NF1: variants seen among roughly 807,000 people sequenced by gnomAD.
The protein encoded by NF1 is neurofibromin.
A neutral mutation model predicts 325.7 loss-of-function variants in NF1; 122 were observed. The ratio of observed to expected loss-of-function variants is 0.37; its 90% CI spans 0.32 to 0.44. The LOEUF is 0.44. Ranked by LOEUF, NF1 falls within the 20% of genes least tolerant of loss-of-function variation. NF1 has a pLI of 1.00. For missense variants in NF1, 2,140 were observed against 3,415.4 expected (o/e 0.63, Z 9.31); for synonymous variants, 1,091 against 1,186.0 (o/e 0.92, Z 1.65).
Position 31,181,450 on chromosome 17 carries a change from G to A in NF1, c.615G>A (p.Lys205=), listed in dbSNP as rs1135402794. 2 of 1,613,472 alleles carry A rather than the reference G, an allele frequency of 1.2e-6. No individual in the cohort carries two copies. Among genetic ancestry groups the A allele is most frequent in the South Asian group, 1.1e-5 (1 of 91,012 alleles). ...KETAFKFKAL[K]KVAQLAVINS... ...CAGCATTTAAATTTAAAGCCCTAAA[G>A]AAGGTTGCGCAGTTAGCAGTTATAA... is the stretch of plus-strand genomic sequence containing the variant. Residue 205 remains lysine, a synonymous_variant, in exon 6 of 58, where the codon AAG becomes AAA. Coordinates refer to ENST00000358273, the MANE Select transcript of NF1 (RefSeq NM_001042492.3).
At chr17:31,370,476 T>C (rs1201191166) in intron 57 of NF1, among the ~76,000 whole-genome samples, 1 of 152,226 alleles carries the variant, frequency 6.6e-6, no homozygotes, top group Non-Finnish European at 1.5e-5. Context: ...ATAGCTTGTT[T>C]TGTACCCTCA....
intron 48 of NF1, among the ~76,000 whole-genome samples, chr17:31,345,038 G>T (rs970393282): frequency 2.0e-5 from 3 of 152,148 alleles, no homozygotes; most frequent in Admixed American, 2.0e-4. Flanking sequence ...CACAAGAATC[G>T]CTTGAACCTG....
chr17:31,342,223 T>C (rs1304625150), intron 47 of NF1, among the ~76,000 whole-genome samples: 1 of 152,208 alleles, frequency 6.6e-6, no homozygotes, highest in Admixed American at 6.5e-5. Flanking sequence ...CTGTCCTAAT[T>C]CTCATTGCCG....
chr17:31,291,548 C>T (rs2068343574), intron 36 of NF1, among the ~76,000 whole-genome samples: 1 of 152,106 alleles, frequency 6.6e-6, no homozygotes, highest in Non-Finnish European at 1.5e-5. Flanking sequence ...TATTCTTCAC[C>T]AGCAAGATGT....
At chr17:31,170,234 A>G (rs2065908300) in intron 5 of NF1, among the ~76,000 whole-genome samples, 3 of 152,122 alleles carry the variant, frequency 2.0e-5, no homozygotes, top group African/African-American at 7.2e-5. Context: ...GCTTAACTAC[A>G]ATTTTTGTTT....
At chr17:31,183,200 A>C (rs2143790435) in intron 8 of NF1, 1 of 226,878 alleles carries the variant, frequency 4.4e-6, no homozygotes, top group Admixed American at 5.6e-5. Flanking sequence ...AATTTTTTTA[A>C]ATATCACCTA....
At chr17:31,102,511 T>A (rs1340684953) in intron 1 of NF1, among the ~76,000 whole-genome samples, 1 of 151,968 alleles carries the variant, frequency 6.6e-6, no homozygotes, top group African/African-American at 2.4e-5. Flanking sequence ...GGGAGGCCCA[T>A]GTGGGAGGAC....
chr17:31,272,887 G>A (rs952927996), intron 36 of NF1: 1 of 152,110 alleles, frequency 6.6e-6, no homozygotes, highest in Non-Finnish European at 1.5e-5. Flanking sequence ...TTCACTATTA[G>A]TGAACAAATT....
intron 51 of NF1, among the ~76,000 whole-genome samples, chr17:31,352,787 T>G (rs915465983): frequency 6.6e-6 from 1 of 152,032 alleles, no homozygotes; most frequent in Admixed American, 6.5e-5. Context: ...CTTCCCAAAA[T>G]TATCATCTGA....
intron 3 of NF1, 124 bp downstream of exon 3, chr17:31,159,217 T>C: frequency 1.4e-6 from 1 of 715,546 alleles, no homozygotes; most frequent in Non-Finnish European, 2.5e-6. Context: ...GACATATAAA[T>C]ATGAGTTTTG....
At chr17:31,345,669 G>A in intron 48 of NF1, 1 of 1,614,254 alleles carries the variant, frequency 6.2e-7, no homozygotes, top group Non-Finnish European at 8.5e-7. Context: ...CACCGAAGTT[G>A]GTGAGATGGC....
chr17:31,098,086 A>G (rs1237673050), intron 1 of NF1, among the ~76,000 whole-genome samples: 2 of 148,994 alleles, frequency 1.3e-5, no homozygotes, highest in African/African-American at 2.4e-5. Flanking sequence ...AGTGTTTAAC[A>G]TAAGGTACTT....
rs864622331 is a variant in NF1, at chr17:31,095,302, G to T, written c.-8G>T. On this transcript the variant is annotated 5_prime_UTR_variant, in exon 1 of 58. Coordinates refer to ENST00000358273, the MANE Select transcript of NF1 (RefSeq NM_001042492.3). The stretch of plus-strand genomic sequence containing the variant: ...TTCCCTCCGCCGCCCCCCGGCCGCG[G>T]GGAGGACATGGCCGCGCACAGGCCG... The T allele has an allele frequency of 6.5e-7, 1 of 1,536,966 alleles. No homozygotes were observed. The highest frequency in any genetic ancestry group is 1.2e-5 in the South Asian group (1 of 83,890).
intron 57 of NF1, among the ~76,000 whole-genome samples, chr17:31,363,589 A>G (rs1159351415): frequency 1.3e-5 from 2 of 149,874 alleles, no homozygotes; most frequent in African/African-American, 4.9e-5. Flanking sequence ...GGCGCCCACC[A>G]CCACACCTGG....
At chr17:31,163,835 T>TA (rs1295617564) in intron 4 of NF1, among the ~76,000 whole-genome samples, 12 of 152,128 alleles carry the variant, frequency 7.9e-5, no homozygotes, top group Non-Finnish European at 1.2e-4. Flanking sequence ...AGAATTCAAA[T>TA]ACTTTCACAA....
In NF1 at chr17:31,338,318, A is replaced by G. The variant is rs1188983475; in HGVS notation, c.6819+179A>G. Among the ~76,000 whole-genome samples, 9 of 152,214 alleles carry G rather than the reference A, an allele frequency of 5.9e-5. No homozygotes were observed. The South Asian group carries it at 1.4e-3, about 25-fold the overall frequency. On this transcript the variant is annotated intron_variant, in intron 45 of 57. Transcript: ENST00000358273. Reference sequence around the variant, plus strand: ...GTAATTCTTTGAAGAAGTCTTCTCTAAAGAAGCTGTCTTTATATGTAAACT... The same window carrying G: ...GTAATTCTTTGAAGAAGTCTTCTCTGAAGAAGCTGTCTTTATATGTAAACT...
At chr17:31,205,701 C>T (rs2066607530) in intron 11 of NF1, among the ~76,000 whole-genome samples, 1 of 152,002 alleles carries the variant, frequency 6.6e-6, no homozygotes, top group Non-Finnish European at 1.5e-5. Flanking sequence ...TATAGGTTTA[C>T]TTAATAGTTT....
At chr17:31,227,873 C>T (rs1424472491) in intron 20 of NF1, among the ~76,000 whole-genome samples, 2 of 152,114 alleles carry the variant, frequency 1.3e-5, no homozygotes, top group East Asian at 1.9e-4. Context: ...TACCAGTAGC[C>T]ACATATGACA....
intron 1 of NF1, among the ~76,000 whole-genome samples, chr17:31,130,113 C>T (rs1163212885): frequency 1.4e-5 from 2 of 143,280 alleles, no homozygotes; most frequent in East Asian, 4.0e-4. Flanking sequence ...ATATGATGAC[C>T]TTGGATGTTT....
Sources: gnomAD v4.1 joint callset for allele counts (sites outside exome capture counted in the v4.1 genomes callset) on GRCh38, gnomAD v4.1.1 for gene constraint, MANE v1.5 for transcripts, NCBI Gene and HGNC (gene_info 2026-07-23, HGNC 2026-07-21) for gene names.